Variants in DMD observed in about 807,000 individuals in gnomAD.
The protein encoded by DMD is dystrophin.
In DMD, 63 loss-of-function variants were observed where a neutral mutation model predicts 330.1. The ratio of observed to expected loss-of-function variants is 0.19; its 90% CI spans 0.16 to 0.24. The LOEUF is 0.24. DMD is among the 10% of genes least tolerant of loss of function. The pLI is 1.00. For synonymous variants in DMD, 1,223 were observed against 959.8 expected (o/e 1.27, Z -5.07); for missense variants, 3,344 against 2,684.1 (o/e 1.25, Z -5.43).
chrX:33,190,878 TA>T (rs1307400886), intron 1 of DMD, among the ~76,000 whole-genome samples: 42 of 1,954 alleles, frequency 0.021, no homozygotes, highest in African/African-American at 0.1. Flanking sequence ...TATATATATA[TA>T]ATATATAATA....
intron 7 of DMD, among the ~76,000 whole-genome samples, chrX:32,711,938 T>C (rs887515159): frequency 8.9e-6 from 1 of 112,104 alleles, no homozygotes; most frequent in African/African-American, 3.2e-5. Context: ...ATAAGAAACT[T>C]AATTTCTTCA....
intron 1 of DMD, among the ~76,000 whole-genome samples, chrX:33,261,730 A>G (rs1268137176): frequency 2.7e-5 from 3 of 109,283 alleles, no homozygotes; most frequent in East Asian, 5.8e-4. Context: ...AATATTTCTA[A>G]TTAATTATCA....
chrX:31,219,721 T>G (rs759082651), intron 64 of DMD, among the ~76,000 whole-genome samples: 1 of 109,851 alleles, frequency 9.1e-6, no homozygotes, highest in Admixed American at 9.8e-5. Context: ...CTTCTCATAC[T>G]CATATAAATA....
At chrX:32,568,901 T>C (rs1010139546) in intron 15 of DMD, among the ~76,000 whole-genome samples, 1 of 112,144 alleles carries the variant, frequency 8.9e-6, no homozygotes, top group African/African-American at 3.2e-5. Flanking sequence ...TACATGTGCA[T>C]ATTAAATAAC....
At chrX:31,871,119 T>C (rs951750441) in intron 48 of DMD, among the ~76,000 whole-genome samples, 1 of 111,503 alleles carries the variant, frequency 9.0e-6, no homozygotes, top group Non-Finnish European at 1.9e-5. Flanking sequence ...ATTGAGAGTA[T>C]ATTTGAAAAT....
At chrX:31,291,265 A>G (rs2053673358) in intron 62 of DMD, among the ~76,000 whole-genome samples, 1 of 110,575 alleles carries the variant, frequency 9.0e-6, no homozygotes, top group Non-Finnish European at 1.9e-5. Flanking sequence ...AATCTGAATT[A>G]CTCAACATTT....
intron 45 of DMD, among the ~76,000 whole-genome samples, chrX:31,948,008 G>A (rs1467060126): frequency 2.7e-5 from 3 of 110,711 alleles, no homozygotes; most frequent in South Asian, 3.9e-4. Context: ...TATACTCATT[G>A]AACAGCAACT....
intron 51 of DMD, among the ~76,000 whole-genome samples, chrX:31,754,781 C>T (rs2088911882): frequency 9.0e-6 from 1 of 111,004 alleles, no homozygotes; most frequent in African/African-American, 3.3e-5. Context: ...CCTATTACCC[C>T]CATACAAGCC....
intron 44 of DMD, among the ~76,000 whole-genome samples, chrX:32,205,010 TA>T (rs2097059496): frequency 9.4e-4 from 50 of 53,052 alleles, no homozygotes; most frequent in Non-Finnish European, 1.1e-3. Context: ...CTCTCTCACA[TA>T]CACACACACA....
At chrX:32,493,681 G>C (rs779945630) in intron 19 of DMD, among the ~76,000 whole-genome samples, 7 of 111,508 alleles carry the variant, frequency 6.3e-5, no homozygotes, top group Non-Finnish European at 1.1e-4. Context: ...CACTCCGTTT[G>C]AAAAAAGTAT....
chrX:31,803,473 T>C (rs1380700395), intron 50 of DMD, among the ~76,000 whole-genome samples: 1 of 112,343 alleles, frequency 8.9e-6, no homozygotes, highest in East Asian at 2.8e-4. Flanking sequence ...AAGCAACACT[T>C]TATGTAAATA....
At chrX:32,291,433 A>G (rs990533834) in intron 42 of DMD, among the ~76,000 whole-genome samples, 7 of 111,980 alleles carry the variant, frequency 6.3e-5, no homozygotes, top group African/African-American at 2.3e-4. Context: ...TTCGGAAAGT[A>G]CATATATAAT....
intron 1 of DMD, among the ~76,000 whole-genome samples, chrX:33,129,627 T>C (rs1603334587): frequency 2.7e-5 from 3 of 109,649 alleles, no homozygotes; most frequent in Admixed American, 9.9e-5. Context: ...ATTTTTTTTT[T>C]CTCCGTTCCC....
intron 11 of DMD, among the ~76,000 whole-genome samples, chrX:32,630,680 A>C (rs1298697591): frequency 9.0e-6 from 1 of 111,153 alleles, no homozygotes; most frequent in Non-Finnish European, 1.9e-5. Context: ...GATTCTTTTT[A>C]TTTCAATCCC....
chrX:32,833,372 A>G (rs2079312930), intron 4 of DMD, among the ~76,000 whole-genome samples: 2 of 110,749 alleles, frequency 1.8e-5, no homozygotes, highest in Non-Finnish European at 3.8e-5. Flanking sequence ...TCAAAATAGA[A>G]GTTTTGATAC....
intron 44 of DMD, among the ~76,000 whole-genome samples, chrX:31,988,793 C>T (rs113643705): frequency 0.032 from 3,572 of 110,592 alleles, 151 homozygotes; most frequent in African/African-American, 0.11. Flanking sequence ...CTCTGTCTCT[C>T]TCTCTCTCTC....
intron 34 of DMD, among the ~76,000 whole-genome samples, chrX:32,365,585 G>T (rs892573768): frequency 9.0e-6 from 1 of 110,684 alleles, no homozygotes; most frequent in East Asian, 2.8e-4. Context: ...TCTGCAGCAG[G>T]GATTTTTTTA....
rs867046331 is a variant in DMD at position 32,484,943 on chromosome X, C to A, written c.2779G>T (p.Ala927Ser). The A allele has an allele frequency of 2.5e-6, 3 of 1,211,426 alleles. No homozygotes were observed. Among genetic ancestry groups the A allele is most frequent in the South Asian group, 1.8e-5 (1 of 56,956 alleles). Residue 927 changes from alanine to serine, a missense_variant, in exon 21 of 79, where the codon GCC (alanine) becomes TCC (serine). Ala to Ser is a moderately conservative substitution (Grantham distance 99). Transcript: ENST00000357033. Reference protein sequence around the residue: ...HFKQVFSDVQAREKELQTIFD... With the variant: ...HFKQVFSDVQSREKELQTIFD... ...CTTGTCTGTAGCTCTTTCTCTCTGG[C>A]CTGCACATCAGAAAAGACTTGCTTA...
intron 59 of DMD, among the ~76,000 whole-genome samples, chrX:31,448,011 CAAAAAAA>C (rs1198070119): frequency 1.7e-4 from 6 of 35,307 alleles, no homozygotes; most frequent in Non-Finnish European, 2.9e-4. Context: ...ACTCTGTCTC[CAAAAAAA>C]AAAAAAAAAA....
Sources: gnomAD v4.1 joint callset for allele counts (sites outside exome capture counted in the v4.1 genomes callset) on GRCh38, gnomAD v4.1.1 for gene constraint, MANE v1.5 for transcripts, NCBI Gene and HGNC (gene_info 2026-07-23, HGNC 2026-07-21) for gene names.